TGFBR3: variants seen among roughly 807,000 people sequenced by gnomAD.
The protein encoded by TGFBR3 is transforming growth factor beta receptor type 3.
A neutral mutation model predicts 87.9 loss-of-function variants in TGFBR3; 46 were observed. The ratio of observed to expected loss-of-function variants is 0.52; its 90% CI spans 0.41 to 0.67. TGFBR3 has a LOEUF of 0.67. Ranked by LOEUF, TGFBR3 falls within the 30% of genes least tolerant of loss-of-function variation. The pLI is 0.00. For synonymous variants in TGFBR3, 381 were observed against 391.6 expected, an observed-to-expected ratio of 0.97 and a Z score of 0.32; for missense variants, 866 against 1,041.9, an observed-to-expected ratio of 0.83 and a Z score of 2.32.
At chr1:91,692,923 C>G (rs1187117845) in intron 16 of TGFBR3, among the ~76,000 whole-genome samples, 1 of 152,210 alleles carries the variant, frequency 6.6e-6, no homozygotes, top group Non-Finnish European at 1.5e-5. Context: ...GTTTTTCACA[C>G]AGAGGCAGAT....
At chr1:91,827,579 C>T (rs1354042892) in intron 2 of TGFBR3, among the ~76,000 whole-genome samples, 2 of 152,180 alleles carry the variant, frequency 1.3e-5, no homozygotes, top group Non-Finnish European at 2.9e-5. Context: ...CCCCATTATC[C>T]TCCACTTCTT....
intron 1 of TGFBR3, among the ~76,000 whole-genome samples, chr1:91,885,361 G>A (rs1338052006): frequency 1.9e-5 from 2 of 103,842 alleles, no homozygotes; most frequent in Non-Finnish European, 4.7e-5. Flanking sequence ...ATAAACCGGG[G>A]CGGGGGGGGG....
At chr1:91,776,821 A>G (rs909573062) in intron 3 of TGFBR3, among the ~76,000 whole-genome samples, 1 of 152,194 alleles carries the variant, frequency 6.6e-6, no homozygotes, top group African/African-American at 2.4e-5. Flanking sequence ...GAGCTCATTA[A>G]AGACGAGGGC....
chr1:91,684,594 C>T (rs1671027907), intron 16 of TGFBR3, among the ~76,000 whole-genome samples: 1 of 152,172 alleles, frequency 6.6e-6, no homozygotes, highest in African/African-American at 2.4e-5. Context: ...ACACACCCCA[C>T]TGCATTTTAG....
intron 14 of TGFBR3, among the ~76,000 whole-genome samples, chr1:91,707,588 G>A (rs1671836643): frequency 6.6e-6 from 1 of 152,210 alleles, no homozygotes; most frequent in Non-Finnish European, 1.5e-5. Context: ...CCTGAAACTG[G>A]AGCCAGACAG....
chr1:91,798,425 C>T (rs1262550832), intron 2 of TGFBR3, among the ~76,000 whole-genome samples: 2 of 152,194 alleles, frequency 1.3e-5, no homozygotes, highest in Non-Finnish European at 2.9e-5. Context: ...TCTCATCCCT[C>T]CCCACTCCAC....
Position 91,695,751 on chromosome 1 carries a change from G to C in TGFBR3, c.2358C>G (p.Thr786=), listed in dbSNP as rs373480626. ...PPIFHGLDTL[T]VMGIAFAAFV... ...AGGCTGCAAACGCAATGCCCATCACGGTTAGGGTGTCCAGACCATGGAAAA... is the reference window on the plus strand; with the variant it reads ...AGGCTGCAAACGCAATGCCCATCACCGTTAGGGTGTCCAGACCATGGAAAA... Residue 786 remains threonine (T), a synonymous_variant, in exon 16 of 17, where the codon ACC becomes ACG. Coordinates refer to ENST00000212355, the MANE Select transcript of TGFBR3 (RefSeq NM_003243.5). 6.2e-7 allele frequency: 1 copy of C among 1,614,128 alleles called. No individual in the cohort carries two copies. Among genetic ancestry groups the C allele is most frequent in the Non-Finnish European group, 8.5e-7 (1 of 1,179,996 alleles).
intron 3 of TGFBR3, among the ~76,000 whole-genome samples, chr1:91,768,780 G>A (rs1421491830): frequency 6.7e-6 from 1 of 149,932 alleles, no homozygotes; most frequent in Admixed American, 6.6e-5. Flanking sequence ...GGAGAATTGT[G>A]AGCCAATTAA....
chr1:91,769,177 G>A (rs544892988), intron 3 of TGFBR3, among the ~76,000 whole-genome samples: 7 of 152,258 alleles, frequency 4.6e-5, no homozygotes, highest in Admixed American at 1.3e-4. Flanking sequence ...GTCATTTGTC[G>A]AAAGCACTTA....
chr1:91,898,500 G>T (rs1234617685), intron 2 of TGFBR3, among the ~76,000 whole-genome samples: 2 of 151,982 alleles, frequency 1.3e-5, no homozygotes, highest in East Asian at 1.9e-4. Context: ...GCAGTGGCGC[G>T]ATCTCGGCTC....
At position 91,828,617 on chromosome 1, in the gene TGFBR3, G is replaced by T. The variant is rs868357180; in HGVS notation, c.62-31146C>A. Among the ~76,000 whole-genome samples, 7 of 152,338 alleles carry T rather than the reference G, an allele frequency of 4.6e-5. No individual in the cohort carries two copies. The South Asian group carries it at 1.4e-3, about 32-fold the overall frequency. ...AGTTGCCTTAAGCAGAAACGGAGGTGCAAGTGAACTTAGCTGTGAAAGGGT... is the reference window on the plus strand; with the variant it reads ...AGTTGCCTTAAGCAGAAACGGAGGTTCAAGTGAACTTAGCTGTGAAAGGGT... On this transcript the variant is annotated intron_variant, in intron 2 of 16. Transcript: ENST00000212355.
chr1:91,735,050 T>A, intron 4 of TGFBR3, 91 bp from the exon 5 acceptor site: 2 of 1,447,752 alleles, frequency 1.4e-6, no homozygotes, highest in Non-Finnish European at 1.9e-6. Flanking sequence ...GAAGTGCTTG[T>A]AAATCGAACC....
intron 1 of TGFBR3, among the ~76,000 whole-genome samples, chr1:91,901,820 G>T (rs1246559587): frequency 6.6e-6 from 1 of 151,662 alleles, no homozygotes; most frequent in Non-Finnish European, 1.5e-5. Context: ...GGCTGAGGTG[G>T]GAGGATCACT....
At chr1:91,806,188 G>A (rs1271995149) in intron 2 of TGFBR3, among the ~76,000 whole-genome samples, 3 of 152,264 alleles carry the variant, frequency 2.0e-5, no homozygotes, top group Admixed American at 6.5e-5. Context: ...CATGGGAAAC[G>A]TTCCTAAGAT....
upstream of TGFBR3, among the ~76,000 whole-genome samples, chr1:91,889,677 C>G (rs1557765074): frequency 1.3e-5 from 2 of 152,028 alleles, no homozygotes; most frequent in Admixed American, 1.3e-4. Context: ...TCTTTTCTTT[C>G]TTTCTTTCTT....
chr1:91,899,161 A>T (rs1468820642), intron 2 of TGFBR3, among the ~76,000 whole-genome samples: 1 of 152,186 alleles, frequency 6.6e-6, no homozygotes, highest in Admixed American at 6.5e-5. Flanking sequence ...TACCCCCAAA[A>T]TAAGAATGTG....
chr1:91,751,018 G>T lies in TGFBR3; in HGVS notation c.384+7595C>A, dbSNP rs189871876. Among the ~76,000 whole-genome samples the T allele has an allele frequency of 5.9e-5, 9 of 152,268 alleles. No homozygotes were observed. The East Asian group carries it at 1.5e-3, about 26-fold the overall frequency. The stretch of plus-strand genomic sequence containing the variant: ...CCCACACAATGGGAAGCTCCCTGAC[G>T]ACAGGCAATTCACCCCAGTTTTCCC... On this transcript the variant is annotated intron_variant, in intron 4 of 16. Coordinates refer to ENST00000212355, the MANE Select transcript of TGFBR3 (RefSeq NM_003243.5).
At chr1:91,773,977 C>T (rs556736867) in intron 3 of TGFBR3, among the ~76,000 whole-genome samples, 1 of 152,270 alleles carries the variant, frequency 6.6e-6, no homozygotes, top group Admixed American at 6.5e-5. Flanking sequence ...AGTGTGCCCA[C>T]TTAGTCTTTT....
At chr1:91,732,254 G>A (rs1672801217) in intron 5 of TGFBR3, among the ~76,000 whole-genome samples, 1 of 152,096 alleles carries the variant, frequency 6.6e-6, no homozygotes, top group Non-Finnish European at 1.5e-5. Context: ...AGACCAGCTG[G>A]GATAAGAGCA....
Sources: gnomAD v4.1 joint callset for allele counts (sites outside exome capture counted in the v4.1 genomes callset) on GRCh38, gnomAD v4.1.1 for gene constraint, MANE v1.5 for transcripts, NCBI Gene and HGNC (gene_info 2026-07-23, HGNC 2026-07-21) for gene names.